Variants in TAOK2 observed in about 807,000 individuals in gnomAD.
TAOK2 encodes TAO kinase 2.
Under a neutral mutation model 122.5 loss-of-function variants are expected in TAOK2, and 42 were observed. The ratio of observed to expected loss-of-function variants is 0.34; its 90% confidence interval spans 0.27 to 0.44. The LOEUF is 0.44. TAOK2 is among the 20% of genes least tolerant of loss of function. The probability of loss-of-function intolerance (pLI) is 1.00; values close to 1 mark genes in which losing one functional copy is unlikely to be tolerated. For synonymous variants in TAOK2, 704 were observed against 677.6 expected (o/e 1.04, Z -0.61); for missense variants, 1,264 against 1,644.9 (o/e 0.77, Z 4.01).
chr16:29,989,466 TTC>T (rs2069912977), downstream of TAOK2: 8 of 1,503,810 alleles, frequency 5.3e-6, no homozygotes, highest in South Asian at 1.1e-4. Flanking sequence ...CTGTCTCTGC[TTC>T]TGTCTCCTCT....
rs1464375984 is a variant in TAOK2, at chr16:29,974,079, C to G, written c.-605C>G. On this transcript the variant is annotated 5_prime_UTR_variant, in exon 1 of 16. Coordinates refer to ENST00000308893, the MANE Select transcript of TAOK2 (RefSeq NM_016151.4). Reference sequence around the variant, plus strand: ...GAGTGGGGGCTGTCACCCTCGGACCCCGGCGTGAGAGGGGCCGTGCGGCCG... The same window carrying G: ...GAGTGGGGGCTGTCACCCTCGGACCGCGGCGTGAGAGGGGCCGTGCGGCCG... 1.3e-5 allele frequency: 2 copies of G among 152,294 alleles called. No homozygotes were observed. The highest frequency in any genetic ancestry group is 2.4e-5 in the African/African-American group (1 of 41,452). The allele number at this position is 152,294 out of a possible 1,614,324, so 9.4% of individuals were successfully genotyped here. A position where few individuals can be genotyped will look rare whatever the true frequency, so the allele number is the denominator to read the frequency against.
At chr16:29,975,144 A>G (rs2150876354) in intron 1 of TAOK2, among the ~76,000 whole-genome samples, 1 of 152,058 alleles carries the variant, frequency 6.6e-6, no homozygotes, top group African/African-American at 2.4e-5. Flanking sequence ...GTGTGCTTGG[A>G]GGTGCCTGGC....
Position 29,985,331 on chromosome 16 carries a change from G to A in TAOK2, c.1541G>A (p.Arg514Lys), listed in dbSNP as rs747237611. The A allele has an allele frequency of 1.4e-5, 22 of 1,611,134 alleles. No individual in the cohort carries two copies. The highest frequency in any genetic ancestry group is 1.9e-5 in the Non-Finnish European group (22 of 1,178,234). ...KQLLALESRL[R>K]GEREEHSARL... ...CTGCTGGCCCTGGAGTCACGGCTGA[G>A]GGGTGAACGGGAGGAGCACAGTGCA... is the stretch of plus-strand genomic sequence containing the variant. The change falls in exon 14 of 16, where the codon AGG becomes AAG. Residue 514 changes from arginine (R) to lysine (K), a missense_variant. By Grantham distance (26) the Arg-to-Lys change is conservative. This residue lies in a region of TAOK2 where 64 missense variants were observed against 115.7 expected (regional missense o/e 0.55). Transcript: ENST00000308893. This position sits in a 1 kb window ranked among gnomAD's most constrained non-coding sequence, Gnocchi z 6.9.
intron 1 of TAOK2, among the ~76,000 whole-genome samples, chr16:29,976,370 G>A (rs772526459): frequency 2.6e-5 from 4 of 152,208 alleles, no homozygotes; most frequent in Non-Finnish European, 4.4e-5. Context: ...CACCCTGGGG[G>A]CCCACTGGAG....
Position 29,987,196 on chromosome 16 carries a change from C to T in TAOK2, c.2924C>T (p.Pro975Leu). The T allele has an allele frequency of 1.9e-6, 3 of 1,552,448 alleles. No homozygotes were observed. Among genetic ancestry groups the T allele is most frequent in the East Asian group, 2.2e-5 (1 of 44,580 alleles). Residue 975 changes from proline to leucine, a missense_variant, in exon 16 of 16, where the codon CCA (proline) becomes CTA (leucine). Transcript: ENST00000308893. ...LLPLLLLLLLPLLAAQGGGGL... is the reference protein window; with the variant it reads ...LLPLLLLLLLLLLAAQGGGGL... ...CCCCTCCTGCTGCTGCTGCTGCTTC[C>T]ATTGCTGGCAGCCCAGGGTGGGGGT...
rs775691728 is a variant in TAOK2 at position 29,986,521 on chromosome 16, G to GC, written c.2255dup (p.Leu754ProfsTer72). On this transcript the variant is annotated frameshift_variant, in exon 16 of 16. Coordinates refer to ENST00000308893, the MANE Select transcript of TAOK2 (RefSeq NM_016151.4). LOFTEE classifies it high-confidence loss of function. The surrounding 1 kb of genome is among the most constrained non-coding windows in gnomAD (Gnocchi z 4.2). ...AGCCTCAAAGTACGTGCAGGCCAGC[G>GC]CCCCCCGGGCCTTCCACTCCCCATT... 4 of 1,611,570 alleles carry GC rather than the reference G, an allele frequency of 2.5e-6. No homozygotes were observed. The highest frequency in any genetic ancestry group is 2.2e-5 in the East Asian group (1 of 44,836).
At chr16:29,982,393 G>A (rs2069645492) in intron 10 of TAOK2, among the ~76,000 whole-genome samples, 1 of 152,196 alleles carries the variant, frequency 6.6e-6, no homozygotes, top group Non-Finnish European at 1.5e-5. Context: ...TTATGTAGTT[G>A]GACCCACTTG....
At position 29,987,414 on chromosome 16, in the gene TAOK2, G is replaced by A. The variant is rs565696351; in HGVS notation, c.3142G>A (p.Ala1048Thr). 1 of 1,606,482 alleles carries A rather than the reference G, an allele frequency of 6.2e-7. No homozygotes were observed. Among genetic ancestry groups the A allele is most frequent in the Non-Finnish European group, 8.5e-7 (1 of 1,174,936 alleles). Reference protein sequence around the residue: ...LMGVPLGLGAAWLLAWPGLAL... With the variant: ...LMGVPLGLGATWLLAWPGLAL... ...GGGTGTTCCCCTGGGCCTTGGAGCT[G>A]CCTGGCTCTTAGCTTGGCCAGGCCT... Residue 1048 changes from alanine (A) to threonine (T), a missense_variant, in exon 16 of 16, where the codon GCC becomes ACC. By Grantham distance (58) the Ala-to-Thr change is moderately conservative (BLOSUM62 0). Around this residue, in one of 4 missense-constraint regions of TAOK2, gnomAD observed 824 missense variants for 908.7 expected, o/e 0.91. Transcript: ENST00000308893.
At chr16:29,976,607 G>A (rs1302480922) in intron 1 of TAOK2, among the ~76,000 whole-genome samples, 1 of 152,168 alleles carries the variant, frequency 6.6e-6, no homozygotes, top group African/African-American at 2.4e-5. Context: ...TGAGGGTTTT[G>A]GTTCTGGTAT....
At position 29,987,970 on chromosome 16, in the gene TAOK2, C is replaced by G. The variant is rs549071207; in HGVS notation, c.3698C>G (p.Pro1233Arg). Residue 1233 changes from proline (P) to arginine (R), a missense_variant, in exon 16 of 16, where the codon CCC becomes CGC. Coordinates refer to ENST00000308893, the MANE Select transcript of TAOK2 (RefSeq NM_016151.4). ...SRTRQSRALP[P>R]WR Reference sequence around the variant, plus strand: ...ACCCGCCAGTCCCGGGCCCTGCCCCCCTGGAGGTAGCTGACTCCAGCCCTT... The same window carrying G: ...ACCCGCCAGTCCCGGGCCCTGCCCCGCTGGAGGTAGCTGACTCCAGCCCTT... The G allele has an allele frequency of 1.6e-5, 24 of 1,530,782 alleles. No individual in the cohort carries two copies. Among genetic ancestry groups the G allele is most frequent in the East Asian group, 1.1e-4 (5 of 44,202 alleles). 94.8% of individuals were successfully genotyped at this position (1,530,782 alleles called of 1,614,324 possible). A position where few individuals can be genotyped will look rare whatever the true frequency, so the allele number is the denominator to read the frequency against.
rs1372754066 is a variant in TAOK2, at chr16:29,982,915, C to T, written c.999+14C>T. The T allele has an allele frequency of 1.2e-6, 2 of 1,612,950 alleles. No homozygotes were observed. Among genetic ancestry groups the T allele is most frequent in the Non-Finnish European group, 1.7e-6 (2 of 1,179,478 alleles). On this transcript the variant is annotated intron_variant, in intron 11 of 15. Transcript: ENST00000308893. ...GAGGAGGAAGAGGTGACCCAGCTTG[C>T]CCTAACACCCCTCTTTATACCCCAT... is the stretch of plus-strand genomic sequence containing the variant.
Position 29,987,658 on chromosome 16 carries a change from T to C in TAOK2, c.3386T>C (p.Val1129Ala), listed in dbSNP as rs2069851474. Residue 1129 changes from valine to alanine, a missense_variant, in exon 16 of 16, where the codon GTC becomes GCC. Val to Ala is a moderately conservative substitution (Grantham distance 64). Coordinates refer to ENST00000308893, the MANE Select transcript of TAOK2 (RefSeq NM_016151.4). ...NKDGFRSRLP[V>A]PGPRRRNPRT... ...GATGGCTTCCGCAGCCGCCTGCCCGTCCCTGGGCCCCGGCGGCGTAATCCC... is the reference window on the plus strand; with the variant it reads ...GATGGCTTCCGCAGCCGCCTGCCCGCCCCTGGGCCCCGGCGGCGTAATCCC... The C allele has an allele frequency of 6.2e-7, 1 of 1,613,726 alleles. No homozygotes were observed. Among genetic ancestry groups the C allele is most frequent in the Non-Finnish European group, 8.5e-7 (1 of 1,179,772 alleles).
intron 13 of TAOK2, 84 bp downstream of exon 13, chr16:29,983,748 C>T: frequency 6.5e-7 from 1 of 1,528,898 alleles, no homozygotes; most frequent in Non-Finnish European, 8.8e-7. Flanking sequence ...CTCCCTGTGG[C>T]ATGGGATTGA....
Position 29,985,431 on chromosome 16 carries a change from G to C in TAOK2, c.1641G>C (p.Gln547His), listed in dbSNP as rs748043490. The part of the protein sequence containing the change: ...AEAEKLARRH[Q>H]AIGEKEARAA... ...CAGAAAAGCTGGCCCGGCGGCACCAGGCCATAGGTGAGAAGGAGGCACGAG... is the reference window on the plus strand; with the variant it reads ...CAGAAAAGCTGGCCCGGCGGCACCACGCCATAGGTGAGAAGGAGGCACGAG... Residue 547 changes from glutamine to histidine, a missense_variant, in exon 14 of 16, where the codon CAG becomes CAC. Physicochemically the swap from Gln to His is conservative, Grantham distance 24. This residue lies in a region of TAOK2 where 824 missense variants were observed against 908.7 expected (regional missense o/e 0.91). Transcript: ENST00000308893. The surrounding 1 kb of genome is among the most constrained non-coding windows in gnomAD (Gnocchi z 6.9). The C allele has an allele frequency of 1.9e-6, 3 of 1,610,160 alleles. No individual in the cohort carries two copies. Among genetic ancestry groups the C allele is most frequent in the Non-Finnish European group, 2.5e-6 (3 of 1,178,410 alleles).
At position 29,988,050 on chromosome 16, in the gene TAOK2, C is replaced by T; in HGVS notation, c.*70C>T. The T allele has an allele frequency of 2.7e-6, 4 of 1,467,588 alleles. No homozygotes were observed. The highest frequency in any genetic ancestry group is 1.4e-5 in the South Asian group (1 of 70,862). 90.9% of individuals were successfully genotyped at this position (1,467,588 alleles called of 1,614,324 possible). On this transcript the variant is annotated 3_prime_UTR_variant, in exon 16 of 16. Transcript: ENST00000308893. ...TATCTCCCACGACTCAGTGAAGTTT[C>T]TCCAGTCCCTAGTCCTCTCTTTTCA... is the stretch of plus-strand genomic sequence containing the variant.
downstream of TAOK2, chr16:29,988,640 G>A (rs1596621227): frequency 2.0e-6 from 2 of 985,330 alleles, no homozygotes; most frequent in African/African-American, 3.5e-5. Context: ...CAGAGCGCCT[G>A]TTTGCGGGTT....
At chr16:29,991,378 A>G (rs768479102), downstream of TAOK2, 11 of 1,582,214 alleles carry the variant, frequency 7.0e-6, no homozygotes, top group Non-Finnish European at 9.4e-6. This position sits in a 1 kb window ranked among gnomAD's most constrained non-coding sequence, Gnocchi z 5.6. Flanking sequence ...CCCCCCACAC[A>G]AAGTGGGACA....
At chr16:29,978,652 T>A (rs1435516841) in intron 4 of TAOK2, 147 bp from the exon 5 acceptor site, 1 of 878,192 alleles carries the variant, frequency 1.1e-6, no homozygotes, top group Non-Finnish European at 1.8e-6. Flanking sequence ...CTCTAGAAAC[T>A]CTCCCACCAC....
chr16:29,981,280 G>A, intron 8 of TAOK2: 1 of 517,230 alleles, frequency 1.9e-6, no homozygotes, highest in East Asian at 3.1e-5. Flanking sequence ...TAATCTTTTA[G>A]ACTGGAGGTT....
Sources: allele counts gnomAD v4.1 joint callset (sites outside exome capture counted in the v4.1 genomes callset), GRCh38; gene constraint gnomAD v4.1.1; regional missense constraint gnomAD v4.1.1; non-coding constraint Gnocchi (gnomAD v3.1); transcripts MANE v1.5; gene names NCBI Gene and HGNC (gene_info 2026-07-23, HGNC 2026-07-21).